The following CAMK2A variants were observed in gnomAD, a reference collection of about 807,000 sequenced individuals.
The protein encoded by CAMK2A is calcium/calmodulin dependent protein kinase II alpha, also known as calcium/calmodulin-dependent protein kinase type II subunit alpha.
Under a neutral mutation model 79.2 loss-of-function variants are expected in CAMK2A, and 7 were observed. The observed-to-expected ratio is 0.09, with a 90% CI of 0.05 to 0.17. CAMK2A has a LOEUF of 0.17. Ranked by LOEUF, CAMK2A falls within the 10% of genes least tolerant of loss-of-function variation. The pLI, the probability that CAMK2A is intolerant of heterozygous loss-of-function variation, is 1.00. For missense variants in CAMK2A, 214 were observed against 646.4 expected (o/e 0.33, Z 7.25); for synonymous variants, 242 against 251.7 (o/e 0.96, Z 0.36).
chr5:150,279,729 G>A (rs1002221930), intron 1 of CAMK2A, among the ~76,000 whole-genome samples: 2 of 152,226 alleles, frequency 1.3e-5, no homozygotes, highest in African/African-American at 4.8e-5. Flanking sequence ...CAGGAGTGTG[G>A]GCAGGCAGGG....
At chr5:150,251,925 G>T in intron 8 of CAMK2A, 57 bp downstream of exon 8, 1 of 1,574,432 alleles carries the variant, frequency 6.4e-7, no homozygotes, top group Non-Finnish European at 8.7e-7. Flanking sequence ...AGGAGAGAGG[G>T]GGCCCCAGAG....
intron 15 of CAMK2A, chr5:150,238,357 C>A (rs780242301): frequency 2.4e-5 from 5 of 212,150 alleles, no homozygotes; most frequent in Non-Finnish European, 4.8e-5. Flanking sequence ...GAGGCTGAGG[C>A]AGGAGGATCG....
intron 3 of CAMK2A, among the ~76,000 whole-genome samples, chr5:150,261,498 G>C (rs1756304499): frequency 6.6e-6 from 1 of 152,172 alleles, no homozygotes; most frequent in Non-Finnish European, 1.5e-5. Flanking sequence ...ACTTTTGACT[G>C]TTTAAAATAT....
chr5:150,228,813 T>C (rs1413587241), intron 16 of CAMK2A, among the ~76,000 whole-genome samples: 2 of 152,226 alleles, frequency 1.3e-5, no homozygotes, highest in Admixed American at 1.3e-4. Flanking sequence ...AGGTGCCCTA[T>C]TGTTAACAGC....
chr5:150,241,435 CCCT>C (rs1212582337), intron 13 of CAMK2A, among the ~76,000 whole-genome samples: 42 of 139,092 alleles, frequency 3.0e-4, no homozygotes, highest in African/African-American at 1.1e-3. Context: ...CCCTCCCCTC[CCCT>C]CCTCTCTCTT....
intron 15 of CAMK2A, among the ~76,000 whole-genome samples, chr5:150,234,196 G>A (rs1410848943): frequency 6.6e-6 from 1 of 152,158 alleles, no homozygotes; most frequent in African/African-American, 2.4e-5. Flanking sequence ...TGAGACCTGA[G>A]TCACTCTCCT....
At chr5:150,237,590 T>C (rs976651939) in intron 15 of CAMK2A, among the ~76,000 whole-genome samples, 1 of 151,772 alleles carries the variant, frequency 6.6e-6, no homozygotes, top group Non-Finnish European at 1.5e-5. Context: ...AGCCAAGCTC[T>C]AGAATCCGAC....
intron 16 of CAMK2A, among the ~76,000 whole-genome samples, chr5:150,230,609 G>A (rs1239173068): frequency 6.6e-6 from 1 of 152,200 alleles, no homozygotes; most frequent in Non-Finnish European, 1.5e-5. Context: ...CTCTCCCGGG[G>A]GCCAGCTGAG....
intron 12 of CAMK2A, among the ~76,000 whole-genome samples, chr5:150,246,142 G>A (rs1273516378): frequency 1.3e-5 from 2 of 152,188 alleles, no homozygotes; most frequent in Non-Finnish European, 2.9e-5. Flanking sequence ...AGCCACTGAT[G>A]CCCCAGGGGC....
rs750484768 is a variant in CAMK2A, at chr5:150,221,202, C to T, written c.*1508G>A. The T allele has an allele frequency of 1.6e-5, 6 of 381,522 alleles. No individual in the cohort carries two copies. Among genetic ancestry groups the T allele is most frequent in the Admixed American group, 4.5e-5 (1 of 22,110 alleles). 23.6% of individuals were successfully genotyped at this position (381,522 alleles called of 1,614,324 possible). A position where few individuals can be genotyped will look rare whatever the true frequency, so the allele number is the denominator to read the frequency against. On this transcript the variant is annotated 3_prime_UTR_variant, in exon 19 of 19. Coordinates refer to ENST00000671881, the MANE Select transcript of CAMK2A (RefSeq NM_015981.4). ...TTGTTTGTTTTCAACATACTTACTG[C>T]GTATAAAGTCATGCAAAGAAAACAG...
rs73796382 is a variant in CAMK2A at position 150,245,411 on chromosome 5, G to T, written c.944-210C>A. The T allele has an allele frequency of 8.6e-3, 5,079 of 589,890 alleles. 210 individuals are homozygous for T. Among genetic ancestry groups the T allele is most frequent in the African/African-American group, 0.085 (4,476 of 52,744 alleles). 36.5% of individuals were successfully genotyped at this position (589,890 alleles called of 1,614,324 possible). Reference sequence around the variant, plus strand: ...GGCCCAGGGACTGCCTGGGTTCCCCGCCTTCTCAGCAATCTCAAGCGTAAC... The same window carrying T: ...GGCCCAGGGACTGCCTGGGTTCCCCTCCTTCTCAGCAATCTCAAGCGTAAC... On this transcript the variant is annotated intron_variant, in intron 12 of 18. Coordinates refer to ENST00000671881, the MANE Select transcript of CAMK2A (RefSeq NM_015981.4).
chr5:150,288,458 C>A (rs1757523778), intron 1 of CAMK2A, among the ~76,000 whole-genome samples: 1 of 152,162 alleles, frequency 6.6e-6, no homozygotes, highest in African/African-American at 2.4e-5. Flanking sequence ...CTTGCACACC[C>A]TGGCAGGGCA....
chr5:150,246,726 G>A (rs182968090), intron 12 of CAMK2A, among the ~76,000 whole-genome samples: 111 of 152,282 alleles, frequency 7.3e-4, no homozygotes, highest in African/African-American at 2.5e-3. Flanking sequence ...GCAGTTTAAC[G>A]AGGTAGGAAA....
intron 14 of CAMK2A, among the ~76,000 whole-genome samples, chr5:150,239,432 T>C (rs1755240828): frequency 6.6e-6 from 1 of 152,126 alleles, no homozygotes; most frequent in Non-Finnish European, 1.5e-5. Context: ...GGTCTGGACA[T>C]AGGACTGGGT....
At chr5:150,229,115 A>G (rs1194434203) in intron 16 of CAMK2A, among the ~76,000 whole-genome samples, 1 of 152,186 alleles carries the variant, frequency 6.6e-6, no homozygotes, top group Non-Finnish European at 1.5e-5. Flanking sequence ...CAAAGCTCCC[A>G]ACCCAGGGTA....
chr5:150,254,713 C>T (rs549824473), intron 6 of CAMK2A, among the ~76,000 whole-genome samples: 1 of 152,280 alleles, frequency 6.6e-6, no homozygotes, highest in South Asian at 2.1e-4. Context: ...CCGATGCTGC[C>T]CACCTCTATG....
chr5:150,257,417 G>A, intron 4 of CAMK2A, 146 bp downstream of exon 4: 1 of 680,680 alleles, frequency 1.5e-6, no homozygotes, highest in Middle Eastern at 2.6e-4. Flanking sequence ...AGGAAAGTCA[G>A]CTTGCACTGC....
rs745982580 is a variant in CAMK2A at position 150,231,378 on chromosome 5, G to T, written c.1069C>A (p.Arg357=). The change falls in exon 16 of 19, where the codon CGG becomes AGG. Residue 357 remains arginine, a splice_region_variant and synonymous_variant. Coordinates refer to ENST00000671881, the MANE Select transcript of CAMK2A (RefSeq NM_015981.4). ...GTCACTTTTATAATTTCCTGTTTCCGCACTGTAAGGCAGAAGGGGACACAG... is the reference window on the plus strand; with the variant it reads ...GTCACTTTTATAATTTCCTGTTTCCTCACTGTAAGGCAGAAGGGGACACAG... ...TTIEDEDTKV[R]KQEIIKVTEQ... The T allele has an allele frequency of 2.0e-6, 3 of 1,487,974 alleles. No individual in the cohort carries two copies. Among genetic ancestry groups the T allele is most frequent in the Non-Finnish European group, 1.8e-6 (2 of 1,095,018 alleles). 92.2% of individuals were successfully genotyped at this position (1,487,974 alleles called of 1,614,324 possible).
intron 7 of CAMK2A, 151 bp from the exon 8 acceptor site, chr5:150,252,216 T>A: frequency 4.6e-6 from 3 of 651,080 alleles, no homozygotes; most frequent in Non-Finnish European, 8.3e-6. Context: ...GCTTGTATTG[T>A]GCAACCCCAG....
Sources: allele counts gnomAD v4.1 joint callset (sites outside exome capture counted in the v4.1 genomes callset), GRCh38; gene constraint gnomAD v4.1.1; transcripts MANE v1.5; gene names NCBI Gene and HGNC (gene_info 2026-07-23, HGNC 2026-07-21).